PDE4B: variants seen among roughly 807,000 people sequenced by gnomAD.
The protein encoded by PDE4B is 3',5'-cyclic-AMP phosphodiesterase 4B.
A neutral mutation model predicts 82.2 loss-of-function variants in PDE4B; 20 were observed. The ratio of observed to expected loss-of-function variants is 0.24; its 90% CI spans 0.17 to 0.35. The LOEUF is 0.35. Ranked by LOEUF, PDE4B falls within the 10% of genes least tolerant of loss-of-function variation. PDE4B has a pLI of 1.00. For synonymous variants in PDE4B, 320 were observed against 318.9 expected, an observed-to-expected ratio of 1.00 and a Z score of -0.04; for missense variants, 655 against 907.2, an observed-to-expected ratio of 0.72 and a Z score of 3.57.
At chr1:66,091,531 T>A (rs1331282681) in intron 3 of PDE4B, among the ~76,000 whole-genome samples, 1 of 152,134 alleles carries the variant, frequency 6.6e-6, no homozygotes, top group Non-Finnish European at 1.5e-5. Flanking sequence ...GTTTTTGTTA[T>A]ATGCCTGATC....
intron 3 of PDE4B, among the ~76,000 whole-genome samples, chr1:66,136,014 C>G (rs1646048196): frequency 6.6e-6 from 1 of 152,124 alleles, no homozygotes; most frequent in African/African-American, 2.4e-5. Context: ...GTGATTCTTT[C>G]TCTTGTGGGT....
intron 3 of PDE4B, among the ~76,000 whole-genome samples, chr1:66,139,795 C>T (rs1203201442): frequency 1.3e-5 from 2 of 150,806 alleles, no homozygotes; most frequent in East Asian, 3.9e-4. Context: ...AAAACCACAT[C>T]TGCACCAGAG....
chr1:66,288,478 G>C (rs758110967), intron 7 of PDE4B, among the ~76,000 whole-genome samples: 21 of 152,224 alleles, frequency 1.4e-4, no homozygotes, highest in Admixed American at 3.3e-4. Context: ...TCTTAGACTA[G>C]GGCCTGGTAC....
At chr1:66,337,592 G>A (rs923701884) in intron 8 of PDE4B, among the ~76,000 whole-genome samples, 5 of 152,192 alleles carry the variant, frequency 3.3e-5, no homozygotes, top group Admixed American at 6.5e-5. Context: ...AAAGAGGAGG[G>A]CCAACCCATA....
intron 1 of PDE4B, among the ~76,000 whole-genome samples, chr1:65,803,796 T>A (rs1421921912): frequency 2.6e-5 from 4 of 152,218 alleles, no homozygotes; most frequent in Non-Finnish European, 5.9e-5. Context: ...GCTTTTGTAA[T>A]ACTGTCAGTA....
intron 8 of PDE4B, among the ~76,000 whole-genome samples, chr1:66,346,080 G>C (rs1368516991): frequency 6.6e-6 from 1 of 152,130 alleles, no homozygotes; most frequent in South Asian, 2.1e-4. Flanking sequence ...CACACTCTCT[G>C]GGGAGCCTAT....
intron 8 of PDE4B, among the ~76,000 whole-genome samples, chr1:66,336,293 C>G (rs922218218): frequency 1.3e-5 from 2 of 152,134 alleles, no homozygotes; most frequent in African/African-American, 2.4e-5. Context: ...GAAGGACCAA[C>G]CCAGAACAAT....
At chr1:65,827,662 CA>C (rs1427224639) in intron 1 of PDE4B, among the ~76,000 whole-genome samples, 1 of 152,064 alleles carries the variant, frequency 6.6e-6, no homozygotes, top group Non-Finnish European at 1.5e-5. Flanking sequence ...CATTATCAAA[CA>C]GCCTATTCTA....
chr1:65,851,350 A>C (rs778625062), intron 1 of PDE4B, among the ~76,000 whole-genome samples: 8 of 152,008 alleles, frequency 5.3e-5, no homozygotes, highest in Non-Finnish European at 1.0e-4. Context: ...TATATGTTAG[A>C]ATCATATAAT....
chr1:66,143,152 T>G (rs537578452), intron 3 of PDE4B, among the ~76,000 whole-genome samples: 1 of 152,330 alleles, frequency 6.6e-6, no homozygotes, highest in Admixed American at 6.5e-5. Context: ...ACTTCTCTTT[T>G]GCTAGACACT....
At chr1:65,964,029 C>T (rs549092255) in intron 3 of PDE4B, among the ~76,000 whole-genome samples, 92 of 152,176 alleles carry the variant, frequency 6.0e-4, no homozygotes, top group Middle Eastern at 3.4e-3. Flanking sequence ...TTCCCTGTTT[C>T]TGAGAAGTGA....
At chr1:66,127,169 A>C (rs1167168210) in intron 3 of PDE4B, among the ~76,000 whole-genome samples, 1 of 152,190 alleles carries the variant, frequency 6.6e-6, no homozygotes, top group African/African-American at 2.4e-5. Context: ...ACAATTCCTT[A>C]GTTTTTAAGA....
chr1:65,948,757 G>T (rs6680334), intron 3 of PDE4B, among the ~76,000 whole-genome samples: 50,931 of 151,860 alleles, frequency 0.34, 8,889 homozygotes, highest in East Asian at 0.48. Context: ...CTGTATTCAC[G>T]TGTTTGGAAA....
chr1:65,895,825 A>T (rs2100402568), intron 1 of PDE4B, among the ~76,000 whole-genome samples: 2 of 149,022 alleles, frequency 1.3e-5, no homozygotes, highest in Middle Eastern at 3.5e-3. Context: ...AATAAAGGCA[A>T]TTTTCTCTCT....
chr1:65,830,503 T>C (rs1217011582), intron 1 of PDE4B, among the ~76,000 whole-genome samples: 1 of 152,204 alleles, frequency 6.6e-6, no homozygotes, highest in Admixed American at 6.5e-5. Context: ...TGATAGCAAG[T>C]AACCTCTGAT....
At chr1:66,159,874 T>C (rs753057515) in intron 3 of PDE4B, among the ~76,000 whole-genome samples, 1 of 152,210 alleles carries the variant, frequency 6.6e-6, no homozygotes, top group Non-Finnish European at 1.5e-5. Context: ...GCATTTTAAG[T>C]CTGTTATCTT....
chr1:65,894,390 A>C (rs1646886351), intron 1 of PDE4B, among the ~76,000 whole-genome samples: 1 of 152,164 alleles, frequency 6.6e-6, no homozygotes, highest in African/African-American at 2.4e-5. Context: ...ATTAACTCAA[A>C]ATGAACATAT....
intron 3 of PDE4B, among the ~76,000 whole-genome samples, chr1:66,074,921 C>T (rs764494146): frequency 2.6e-5 from 4 of 151,940 alleles, no homozygotes; most frequent in African/African-American, 4.8e-5. Context: ...TTTTGGCTAT[C>T]GTGAATAGTT....
At chr1:65,846,214 C>T (rs542460479) in intron 1 of PDE4B, among the ~76,000 whole-genome samples, 11 of 152,170 alleles carry the variant, frequency 7.2e-5, no homozygotes, top group Admixed American at 2.6e-4. Flanking sequence ...TCTCTAGGAG[C>T]CACTCTCCCT....
Sources: gnomAD v4.1 joint callset for allele counts (sites outside exome capture counted in the v4.1 genomes callset) on GRCh38, gnomAD v4.1.1 for gene constraint, MANE v1.5 for transcripts, NCBI Gene and HGNC (gene_info 2026-07-23, HGNC 2026-07-21) for gene names.